Variants in ACVR1 observed in about 807,000 individuals in gnomAD.
ACVR1 encodes activin A receptor type 1, also known as activin receptor type-1.
A neutral mutation model predicts 57.1 loss-of-function variants in ACVR1; 38 were observed. That is an observed-to-expected ratio of 0.67 (90% CI 0.51 to 0.87). ACVR1 has a LOEUF of 0.87. Among genes scored for constraint, ACVR1 ranks in the 40% least tolerant of loss-of-function variants. The pLI, the probability that ACVR1 is intolerant of heterozygous loss-of-function variation, is 0.00. For synonymous variants in ACVR1, 212 were observed against 228.1 expected, an observed-to-expected ratio of 0.93 and a Z score of 0.63; for missense variants, 463 against 638.2, an observed-to-expected ratio of 0.73 and a Z score of 2.96.
chr2:157,808,986 C>T (rs192154965), intron 2 of ACVR1, among the ~76,000 whole-genome samples: 3 of 151,970 alleles, frequency 2.0e-5, no homozygotes, highest in East Asian at 3.9e-4. Context: ...CAATGTGAGG[C>T]AAGAACCCTG....
At chr2:157,861,333 A>C (rs780064786) in intron 1 of ACVR1, among the ~76,000 whole-genome samples, 3 of 152,216 alleles carry the variant, frequency 2.0e-5, no homozygotes, top group Non-Finnish European at 4.4e-5. Flanking sequence ...AAAAGGAGAT[A>C]ATATGTGAAC....
At chr2:157,820,354 G>A (rs966060178) in intron 1 of ACVR1, among the ~76,000 whole-genome samples, 2 of 152,056 alleles carry the variant, frequency 1.3e-5, no homozygotes, top group Non-Finnish European at 2.9e-5. Context: ...AAGATGCTGG[G>A]GCCAGGGAAA....
intron 2 of ACVR1, among the ~76,000 whole-genome samples, chr2:157,802,521 C>T (rs1205796192): frequency 6.6e-6 from 1 of 152,060 alleles, no homozygotes; most frequent in Non-Finnish European, 1.5e-5. Context: ...TCCCCACTAC[C>T]CATTATTATC....
intron 1 of ACVR1, among the ~76,000 whole-genome samples, chr2:157,863,232 C>T (rs866142975): frequency 4.8e-5 from 7 of 147,334 alleles, no homozygotes; most frequent in Admixed American, 3.4e-4. Flanking sequence ...AGGTTGGTCT[C>T]GAATTCCTGA....
intron 1 of ACVR1, among the ~76,000 whole-genome samples, chr2:157,870,378 G>C (rs1369611670): frequency 6.6e-6 from 1 of 152,126 alleles, no homozygotes; most frequent in Non-Finnish European, 1.5e-5. Context: ...GCCAATCTTG[G>C]CTTTCATAGA....
At chr2:157,747,893 C>T (rs1406230545) in intron 9 of ACVR1, among the ~76,000 whole-genome samples, 1 of 152,028 alleles carries the variant, frequency 6.6e-6, no homozygotes, top group Non-Finnish European at 1.5e-5. Context: ...CCTTATCTCC[C>T]CTCTAAAAAA....
intron 2 of ACVR1, among the ~76,000 whole-genome samples, chr2:157,815,311 G>T (rs1687893689): frequency 6.6e-6 from 1 of 151,920 alleles, no homozygotes. Flanking sequence ...TTTCTAGAAG[G>T]GCCACTGGGT....
chr2:157,749,302 G>A (rs972439137), intron 9 of ACVR1, among the ~76,000 whole-genome samples: 2 of 152,162 alleles, frequency 1.3e-5, no homozygotes, highest in African/African-American at 4.8e-5. Flanking sequence ...CACTGTGGGG[G>A]ACATAGGTTA....
Position 157,786,869 on chromosome 2 carries a change from A to AT in ACVR1, c.68-6270dup, listed in dbSNP as rs555226620. Among the ~76,000 whole-genome samples the AT allele has an allele frequency of 2.7e-4, 41 of 152,072 alleles. No individual in the cohort carries two copies. In the South Asian group the frequency reaches 7.9e-3, roughly 29 times the overall value. On this transcript the variant is annotated intron_variant, in intron 3 of 10. Coordinates refer to ENST00000434821, the MANE Select transcript of ACVR1 (RefSeq NM_001111067.4). ...AAAGCTGCCCCTGCTCCTTGCTGTC[A>AT]TTTTTTCCCTGGTCTTTGCTGCCAT...
intron 1 of ACVR1, among the ~76,000 whole-genome samples, chr2:157,848,675 T>C (rs1307012867): frequency 6.6e-6 from 1 of 152,218 alleles, no homozygotes; most frequent in Non-Finnish European, 1.5e-5. Flanking sequence ...GGCAGTCTAG[T>C]TGGGCTATTG....
At chr2:157,844,621 A>G (rs1191322973) in intron 1 of ACVR1, among the ~76,000 whole-genome samples, 1 of 152,196 alleles carries the variant, frequency 6.6e-6, no homozygotes, top group African/African-American at 2.4e-5. Flanking sequence ...AAAATTGATC[A>G]TCTGATAGAT....
intron 1 of ACVR1, among the ~76,000 whole-genome samples, chr2:157,868,010 T>G (rs1689996646): frequency 6.6e-6 from 1 of 152,140 alleles, no homozygotes. Flanking sequence ...ATAATGTGCC[T>G]CTAAATCTCC....
At chr2:157,775,662 C>T (rs1686254021) in intron 5 of ACVR1, among the ~76,000 whole-genome samples, 1 of 152,186 alleles carries the variant, frequency 6.6e-6, no homozygotes, top group African/African-American at 2.4e-5. Context: ...AGCAGAGTTT[C>T]ATATCTCCCT....
At chr2:157,738,652 T>G in intron 9 of ACVR1, 82 bp from the exon 10 acceptor site, 22 of 1,598,020 alleles carry the variant, frequency 1.4e-5, no homozygotes, top group Non-Finnish European at 1.7e-5. Context: ...TGTCACAGGT[T>G]ATAATGTGAC....
chr2:157,851,659 C>T (rs1386835549), intron 1 of ACVR1, among the ~76,000 whole-genome samples: 1 of 152,124 alleles, frequency 6.6e-6, no homozygotes, highest in African/African-American at 2.4e-5. Flanking sequence ...CTCTGTCAGT[C>T]AGATTACTCC....
intron 3 of ACVR1, among the ~76,000 whole-genome samples, chr2:157,795,148 T>C (rs1005457517): frequency 3.3e-5 from 5 of 152,124 alleles, no homozygotes; most frequent in Non-Finnish European, 7.4e-5. Context: ...ATGGGTCTAT[T>C]TCCTTTTAAA....
chr2:157,751,687 C>T (rs1231643636), intron 9 of ACVR1, among the ~76,000 whole-genome samples: 1 of 152,074 alleles, frequency 6.6e-6, no homozygotes, highest in African/African-American at 2.4e-5. Context: ...TGCTGGCTTT[C>T]CCCTACTTCC....
intron 9 of ACVR1, among the ~76,000 whole-genome samples, chr2:157,740,845 T>C (rs542471376): frequency 6.6e-6 from 1 of 152,356 alleles, no homozygotes; most frequent in South Asian, 2.1e-4. Context: ...TCAAGTATTT[T>C]TAAAAGACCA....
At chr2:157,818,650 C>G (rs1012776093) in intron 1 of ACVR1, 91 bp from the exon 2 acceptor site, 1 of 152,172 alleles carries the variant, frequency 6.6e-6, no homozygotes, top group Non-Finnish European at 1.5e-5. Flanking sequence ...ACATTTGGCA[C>G]GCCTTTCAAT....
Sources: allele counts gnomAD v4.1 joint callset (sites outside exome capture counted in the v4.1 genomes callset), GRCh38; gene constraint gnomAD v4.1.1; transcripts MANE v1.5; gene names NCBI Gene and HGNC (gene_info 2026-07-23, HGNC 2026-07-21).